The following XG variants were observed in gnomAD, a reference collection of about 807,000 sequenced individuals.
The protein encoded by XG is Xg glycoprotein (Xg blood group).
XG carries 24 observed loss-of-function variants against 25.7 expected under a neutral mutation model. The ratio of observed to expected loss-of-function variants is 0.93; its 90% CI spans 0.68 to 1.31. The LOEUF is 1.31. Ranked by LOEUF, XG falls within the 40% of genes most tolerant of loss-of-function variation. XG has a pLI of 0.00. For missense variants in XG, 181 were observed against 187.6 expected, an observed-to-expected ratio of 0.96 and a Z score of 0.21; for synonymous variants, 77 against 69.2, an observed-to-expected ratio of 1.11 and a Z score of -0.56.
At chrX:2,772,923 C>T (rs375315054) in intron 2 of XG, among the ~76,000 whole-genome samples, 1 of 152,130 alleles carries the variant, frequency 6.6e-6, no homozygotes, top group Non-Finnish European at 1.5e-5. Context: ...TGCAGAGGAA[C>T]CACAGTCACC....
intron 4 of XG, among the ~76,000 whole-genome samples, chrX:2,783,314 C>CA (rs35378569): frequency 0.28 from 25,297 of 89,966 alleles, 4,058 homozygotes; most frequent in East Asian, 0.6. Flanking sequence ...ATATGCAATT[C>CA]AAAAAAGAAA....
intron 1 of XG, among the ~76,000 whole-genome samples, chrX:2,766,137 C>CCT (rs918637952): frequency 1.3e-5 from 2 of 150,568 alleles, no homozygotes; most frequent in African/African-American, 4.9e-5. Flanking sequence ...TTCTTCTTGG[C>CCT]CTCTCTCTCT....
At chrX:2,786,326 G>T (rs1421317939) in intron 4 of XG, among the ~76,000 whole-genome samples, 1 of 92,057 alleles carries the variant, frequency 1.1e-5, no homozygotes, top group South Asian at 5.9e-4. Context: ...ATGGCACGAT[G>T]GCATGATCTT....
intron 1 of XG, 34 bp downstream of exon 1, chrX:2,752,369 T>C: frequency 6.2e-7 from 1 of 1,612,358 alleles, no homozygotes; most frequent in Non-Finnish European, 8.5e-7. Flanking sequence ...GAGATCTGCC[T>C]GGGCATGGAT....
chrX:2,791,681 G>A (rs1397840227), intron 5 of XG, among the ~76,000 whole-genome samples: 1 of 109,621 alleles, frequency 9.1e-6, no homozygotes, highest in African/African-American at 3.3e-5. Context: ...AACTCTACAT[G>A]GGCATGGATT....
chrX:2,775,743 G>A (rs1016004246), intron 3 of XG, among the ~76,000 whole-genome samples: 2 of 151,702 alleles, frequency 1.3e-5, no homozygotes, highest in Non-Finnish European at 2.9e-5. Flanking sequence ...ATCATCTGAG[G>A]TCAGGGGTTC....
At chrX:2,792,446 G>A (rs775404389) in intron 5 of XG, among the ~76,000 whole-genome samples, 3 of 110,088 alleles carry the variant, frequency 2.7e-5, no homozygotes, top group South Asian at 4.0e-4. Flanking sequence ...GCAATCCTCC[G>A]ACTTTAGCCT....
intron 2 of XG, 145 bp from the exon 3 acceptor site, chrX:2,774,571 C>T: frequency 3.4e-6 from 3 of 890,526 alleles, no homozygotes; most frequent in Non-Finnish European, 5.4e-6. Flanking sequence ...TTTCTCAATT[C>T]AACATGGAAT....
intron 7 of XG, among the ~76,000 whole-genome samples, chrX:2,799,400 A>G (rs750167947): frequency 8.1e-5 from 9 of 111,452 alleles, no homozygotes; most frequent in Non-Finnish European, 1.5e-4. Flanking sequence ...TTCTCCGAAG[A>G]TGATTTTGAA....
At chrX:2,786,020 G>A (rs1197546447) in intron 4 of XG, among the ~76,000 whole-genome samples, 1 of 110,355 alleles carries the variant, frequency 9.1e-6, no homozygotes, top group Non-Finnish European at 1.9e-5. Context: ...TCTCCGGATG[G>A]CTCCAGGCAT....
intron 2 of XG, among the ~76,000 whole-genome samples, chrX:2,774,262 C>T (rs1298539252): frequency 6.6e-6 from 1 of 152,170 alleles, no homozygotes; most frequent in African/African-American, 2.4e-5. Context: ...AGGCTGCACC[C>T]TGAGCACTCC....
Position 2,808,663 on chromosome X carries a change from A to G in XG, c.454+443A>G, listed in dbSNP as rs573237301. 3.3e-5 allele frequency: 17 copies of G among 517,419 alleles called. No individual in the cohort carries two copies. In the Admixed American group the frequency reaches 1.5e-3, roughly 47 times the overall value. The allele number at this position is 517,419 out of a possible 1,213,427, so 42.6% of individuals were successfully genotyped here. ...AAGGAGGGAGAACTTGAAGCCCAGA[A>G]GGCTGACTTTGTGTCCTGTATTGTT... On this transcript the variant is annotated intron_variant, in intron 9 of 10. Coordinates refer to ENST00000644266, the MANE Select transcript of XG (RefSeq NM_001141919.2).
chrX:2,805,254 G>A, intron 7 of XG, among the ~76,000 whole-genome samples: 1 of 112,435 alleles, frequency 8.9e-6, no homozygotes, highest in South Asian at 3.7e-4. Flanking sequence ...AGAAAATGTT[G>A]CGCTCGTCGT....
At chrX:2,770,371 T>G (rs2050790568) in intron 1 of XG, among the ~76,000 whole-genome samples, 179 bp from the exon 2 acceptor site, 1 of 152,072 alleles carries the variant, frequency 6.6e-6, no homozygotes, top group African/African-American at 2.4e-5. Context: ...GTGATGAGTA[T>G]GCTCTGGGAC....
intron 6 of XG, 39 bp downstream of exon 6, chrX:2,794,642 T>C (rs376463395): frequency 2.2e-5 from 26 of 1,193,113 alleles, no homozygotes; most frequent in African/African-American, 5.3e-5. Flanking sequence ...ACATTGAATT[T>C]GCACAGAGAG....
Position 2,811,407 on chromosome X carries a change from A to G in XG, c.526A>G (p.Ser176Gly). The G allele has an allele frequency of 8.3e-7, 1 of 1,206,499 alleles. No homozygotes were observed. The highest frequency in any genetic ancestry group is 1.1e-6 in the Non-Finnish European group (1 of 892,868). Residue 176 changes from serine (S) to glycine (G), a missense_variant, in exon 10 of 11, where the codon AGT becomes GGT. Physicochemically the swap from Ser to Gly is moderately conservative, Grantham distance 56. Transcript: ENST00000644266. ...GGTGACACTGCTGGGAGCAGCAGCCAGTTATTTCAAACTAAACAATAGGAG... is the reference window on the plus strand; with the variant it reads ...GGTGACACTGCTGGGAGCAGCAGCCGGTTATTTCAAACTAAACAATAGGAG... ...VVVTLLGAAASYFKLNNRRNC... is the reference protein window; with the variant it reads ...VVVTLLGAAAGYFKLNNRRNC...
intron 2 of XG, among the ~76,000 whole-genome samples, chrX:2,773,347 A>G (rs924421862): frequency 5.4e-5 from 8 of 147,552 alleles, no homozygotes; most frequent in African/African-American, 1.8e-4. Flanking sequence ...AAAATAGGAG[A>G]AGAAAGGAAG....
Position 2,773,935 on chromosome X carries a change from C to T in XG, c.104-781C>T, listed in dbSNP as rs1415096187. 2.6e-5 allele frequency among the ~76,000 whole-genome samples: 4 copies of T among 152,034 alleles called. No homozygotes were observed. The South Asian group carries it at 6.2e-4, about 24-fold the overall frequency. ...ACCTTCTATTAAAATACAGGACATG[C>T]GAAACCATATGCCCCGTTTGGAGGT... On this transcript the variant is annotated intron_variant, in intron 2 of 10. Transcript: ENST00000644266.
intron 3 of XG, among the ~76,000 whole-genome samples, chrX:2,779,095 GAT>G (rs2051064031): frequency 6.6e-6 from 1 of 151,912 alleles, no homozygotes; most frequent in African/African-American, 2.4e-5. Context: ...ACTACAGGTG[GAT>G]TACAAACCTG....
Sources: gnomAD v4.1 joint callset for allele counts (sites outside exome capture counted in the v4.1 genomes callset) on GRCh38, gnomAD v4.1.1 for gene constraint, MANE v1.5 for transcripts, NCBI Gene and HGNC (gene_info 2026-07-23, HGNC 2026-07-21) for gene names.